The following DAB1 variants were observed in gnomAD, a reference collection of about 807,000 sequenced individuals.
The protein encoded by DAB1 is disabled homolog 1.
A neutral mutation model predicts 64.6 loss-of-function variants in DAB1; 15 were observed. That is an observed-to-expected ratio of 0.23 (90% CI 0.16 to 0.36). DAB1 has a LOEUF of 0.36. Among genes scored for constraint, DAB1 ranks in the 10% least tolerant of loss-of-function variants. The probability of loss-of-function intolerance (pLI) is 1.00; values close to 1 mark genes in which losing one functional copy is unlikely to be tolerated. For synonymous variants in DAB1, 235 were observed against 251.9 expected (o/e 0.93, Z 0.64); for missense variants, 596 against 706.7 (o/e 0.84, Z 1.78).
At chr1:57,511,424 T>C (rs1224256466) in intron 7 of DAB1, among the ~76,000 whole-genome samples, 2 of 152,208 alleles carry the variant, frequency 1.3e-5, no homozygotes, top group East Asian at 3.8e-4. Flanking sequence ...CTTCATCAGC[T>C]CAGCTCTTTA....
intron 7 of DAB1, among the ~76,000 whole-genome samples, chr1:57,648,503 T>C (rs1268635392): frequency 6.6e-6 from 1 of 152,212 alleles, no homozygotes; most frequent in East Asian, 1.9e-4. Flanking sequence ...GTCACTTAAA[T>C]GAGTAATGAT....
chr1:57,143,524 A>G (rs528474266), intron 3 of DAB1, among the ~76,000 whole-genome samples: 2 of 152,320 alleles, frequency 1.3e-5, no homozygotes, highest in East Asian at 3.9e-4. Flanking sequence ...TTTCTAGTAT[A>G]CTTTATAGTA....
intron 1 of DAB1, among the ~76,000 whole-genome samples, chr1:57,295,605 C>T (rs987283617): frequency 2.6e-5 from 4 of 152,088 alleles, no homozygotes; most frequent in African/African-American, 9.7e-5. Context: ...GAGATTTGGG[C>T]ATTAAAAAGC....
intron 7 of DAB1, among the ~76,000 whole-genome samples, chr1:57,538,044 C>A (rs1644751508): frequency 6.6e-6 from 1 of 152,086 alleles, no homozygotes; most frequent in South Asian, 2.1e-4. Context: ...ATGAGACATC[C>A]ACCCCAGTGA....
intron 4 of DAB1, among the ~76,000 whole-genome samples, chr1:57,117,091 GCTCTCCAATTCT>G (rs762148453): frequency 2.6e-4 from 40 of 152,250 alleles, no homozygotes; most frequent in Admixed American, 1.4e-3. Context: ...CTCCCTAGTC[GCTCTCCAATTCT>G]CTCTCCAATT....
intron 5 of DAB1, among the ~76,000 whole-genome samples, chr1:58,132,957 T>A (rs1653722923): frequency 6.6e-6 from 1 of 152,200 alleles, no homozygotes. Flanking sequence ...CAATTCAAAA[T>A]TCTGAGATTT....
intron 6 of DAB1, among the ~76,000 whole-genome samples, chr1:57,786,096 G>A (rs1445791121): frequency 6.6e-6 from 1 of 152,114 alleles, no homozygotes; most frequent in Non-Finnish European, 1.5e-5. Context: ...CTTACTGAAG[G>A]TTCTGATGAA....
chr1:57,020,957 C>T (rs1156755412), intron 11 of DAB1, among the ~76,000 whole-genome samples: 1 of 152,174 alleles, frequency 6.6e-6, no homozygotes, highest in Non-Finnish European at 1.5e-5. Flanking sequence ...TCCGTTGTAT[C>T]ACATACTCCA....
At chr1:58,000,564 C>CTTTTTTT (rs869176789) in intron 5 of DAB1, among the ~76,000 whole-genome samples, 39 of 95,730 alleles carry the variant, frequency 4.1e-4, no homozygotes, top group South Asian at 8.5e-4. Context: ...TCTTTTTTGC[C>CTTTTTTT]TTTTTTTTTT....
intron 1 of DAB1, among the ~76,000 whole-genome samples, chr1:57,377,426 G>T (rs1680997338): frequency 6.6e-6 from 1 of 152,134 alleles, no homozygotes; most frequent in African/African-American, 2.4e-5. Context: ...CTTGTCCACA[G>T]AATCGAAATC....
chr1:57,772,621 C>T (rs528505421), intron 6 of DAB1, among the ~76,000 whole-genome samples: 8 of 152,184 alleles, frequency 5.3e-5, no homozygotes, highest in African/African-American at 1.9e-4. Flanking sequence ...TGGCTGTAAC[C>T]TTTACACTCC....
At chr1:57,382,103 T>C (rs77118640) in intron 1 of DAB1, among the ~76,000 whole-genome samples, 7,432 of 152,236 alleles carry the variant, frequency 0.049, 603 homozygotes, top group African/African-American at 0.17. Context: ...ACCCTCCCTC[T>C]TCCCGTCTCA....
intron 6 of DAB1, among the ~76,000 whole-genome samples, chr1:57,818,617 A>C (rs1569774419): frequency 6.6e-6 from 1 of 151,948 alleles, no homozygotes; most frequent in South Asian, 2.1e-4. Context: ...TGCTTGTGAA[A>C]CCCTACGCAT....
chr1:58,306,267 GGGAAGGA>G (rs528009925), intron 4 of DAB1, among the ~76,000 whole-genome samples: 1 of 152,270 alleles, frequency 6.6e-6, no homozygotes, highest in Middle Eastern at 3.4e-3. Flanking sequence ...TAGTTCAGTG[GGGAAGGA>G]GGAAGGAGGA....
chr1:57,651,714 A>T (rs1269967159), intron 6 of DAB1, among the ~76,000 whole-genome samples: 4 of 152,214 alleles, frequency 2.6e-5, no homozygotes, highest in Non-Finnish European at 4.4e-5. Context: ...CTTAAAGTTC[A>T]TGTCTTTTTA....
At chr1:58,353,802 G>T (rs938975676) in intron 3 of DAB1, among the ~76,000 whole-genome samples, 1 of 142,922 alleles carries the variant, frequency 7.0e-6, no homozygotes, top group Non-Finnish European at 1.5e-5. Flanking sequence ...ATGATCACAA[G>T]AACTTTTCTT....
intron 5 of DAB1, among the ~76,000 whole-genome samples, chr1:58,010,991 T>C (rs1203285652): frequency 6.6e-6 from 1 of 152,242 alleles, no homozygotes; most frequent in East Asian, 1.9e-4. Context: ...CAGTGGTAAC[T>C]ACTATTTTTA....
At chr1:58,530,801 A>C in intron 1 of DAB1, 1 of 784,316 alleles carries the variant, frequency 1.3e-6, no homozygotes, top group Non-Finnish European at 2.2e-6. Context: ...TTTCTAGTTC[A>C]TCATGTGTTA....
At chr1:57,156,540 A>G (rs926425998) in intron 2 of DAB1, among the ~76,000 whole-genome samples, 3 of 152,184 alleles carry the variant, frequency 2.0e-5, no homozygotes, top group Admixed American at 1.3e-4. Flanking sequence ...TATTTATGCT[A>G]AAGTGGGTAA....
Sources: allele counts gnomAD v4.1 joint callset (sites outside exome capture counted in the v4.1 genomes callset), GRCh38; gene constraint gnomAD v4.1.1; transcripts MANE v1.5; gene names NCBI Gene and HGNC (gene_info 2026-07-23, HGNC 2026-07-21).